Variants in NALF1 observed in about 807,000 individuals in gnomAD.
NALF1 encodes family with sequence similarity 155 member A.
Under a neutral mutation model 48.4 loss-of-function variants are expected in NALF1, and 3 were observed. That is an observed-to-expected ratio of 0.06 (90% CI 0.03 to 0.16). The LOEUF is 0.16. Among genes scored for constraint, NALF1 ranks in the 10% least tolerant of loss-of-function variants. NALF1 has a pLI of 1.00. For missense variants in NALF1, 526 were observed against 571.5 expected, an observed-to-expected ratio of 0.92 and a Z score of 0.81; for synonymous variants, 262 against 245.7, an observed-to-expected ratio of 1.07 and a Z score of -0.62.
chr13:107,700,742 T>TATCCAAATCTGA (rs1210286903), intron 1 of NALF1, among the ~76,000 whole-genome samples: 2 of 151,570 alleles, frequency 1.3e-5, no homozygotes, highest in Non-Finnish European at 2.9e-5. Context: ...TGATAAGGGG[T>TATCCAAATCTGA]TAATATCCAA....
chr13:107,749,971 G>A (rs879560861), intron 1 of NALF1, among the ~76,000 whole-genome samples: 5 of 151,874 alleles, frequency 3.3e-5, no homozygotes, highest in Admixed American at 6.6e-5. Context: ...AGGCGTACGC[G>A]ACAGTGCCCG....
intron 1 of NALF1, among the ~76,000 whole-genome samples, chr13:107,254,723 T>TC (rs1256889496): frequency 2.0e-5 from 3 of 152,182 alleles, no homozygotes; most frequent in East Asian, 1.9e-4. Context: ...TGACAAAACC[T>TC]CTTTTTCATT....
intron 1 of NALF1, among the ~76,000 whole-genome samples, chr13:107,613,817 T>G (rs1879304145): frequency 1.3e-5 from 2 of 152,168 alleles, no homozygotes; most frequent in Admixed American, 6.5e-5. Flanking sequence ...AAATAAAAAT[T>G]TTATCCTATT....
At chr13:107,605,707 G>A (rs1879047782) in intron 1 of NALF1, among the ~76,000 whole-genome samples, 1 of 152,128 alleles carries the variant, frequency 6.6e-6, no homozygotes, top group Admixed American at 6.6e-5. Flanking sequence ...CTTTCCATAT[G>A]GTGCTTTTCC....
At chr13:107,631,067 C>A (rs1879821844) in intron 1 of NALF1, among the ~76,000 whole-genome samples, 1 of 152,090 alleles carries the variant, frequency 6.6e-6, no homozygotes, top group African/African-American at 2.4e-5. Context: ...AGTGCAGTGG[C>A]ACCATCATGG....
intron 1 of NALF1, among the ~76,000 whole-genome samples, chr13:107,353,411 G>A (rs532600565): frequency 7.9e-5 from 12 of 152,268 alleles, no homozygotes; most frequent in East Asian, 1.9e-4. Context: ...CACTGCAGAC[G>A]GAAATTTTCT....
At chr13:107,849,192 C>T (rs939493754) in intron 1 of NALF1, among the ~76,000 whole-genome samples, 4 of 152,106 alleles carry the variant, frequency 2.6e-5, no homozygotes, top group Admixed American at 6.5e-5. Flanking sequence ...GAAATAAATA[C>T]AGAACAATGT....
chr13:107,342,646 T>C (rs916508995), intron 1 of NALF1, among the ~76,000 whole-genome samples: 4 of 152,216 alleles, frequency 2.6e-5, no homozygotes, highest in Non-Finnish European at 5.9e-5. Flanking sequence ...AGTAGAGTTT[T>C]TGTGTACAAT....
chr13:107,292,323 T>C (rs1881637410), intron 1 of NALF1, among the ~76,000 whole-genome samples: 1 of 152,182 alleles, frequency 6.6e-6, no homozygotes. Flanking sequence ...AGTCAGTGAG[T>C]GAGAAGTCAA....
At chr13:107,342,669 G>A (rs762110946) in intron 1 of NALF1, among the ~76,000 whole-genome samples, 2 of 152,126 alleles carry the variant, frequency 1.3e-5, no homozygotes, top group Non-Finnish European at 2.9e-5. Flanking sequence ...AAGTTAAGTT[G>A]ATAATCGCTT....
At chr13:107,224,176 T>C (rs1270256456) in intron 1 of NALF1, among the ~76,000 whole-genome samples, 2 of 151,990 alleles carry the variant, frequency 1.3e-5, no homozygotes, top group Admixed American at 6.5e-5. Flanking sequence ...TTGATCATTA[T>C]ATATTTGGAA....
chr13:107,231,058 CAAAAAA>C (rs3072074), intron 1 of NALF1, among the ~76,000 whole-genome samples: 1 of 83,584 alleles, frequency 1.2e-5, no homozygotes, highest in Non-Finnish European at 2.3e-5. Context: ...AAGACCCGGC[CAAAAAA>C]AAAAAAAAAA....
chr13:107,317,627 T>C (rs1882175577), intron 1 of NALF1, among the ~76,000 whole-genome samples: 2 of 152,056 alleles, frequency 1.3e-5, no homozygotes, highest in African/African-American at 4.8e-5. Flanking sequence ...AGATCTTTAA[T>C]TCTTAACTTA....
intron 1 of NALF1, among the ~76,000 whole-genome samples, chr13:107,574,794 T>G (rs1385610222): frequency 6.6e-6 from 1 of 152,192 alleles, no homozygotes; most frequent in Non-Finnish European, 1.5e-5. Flanking sequence ...ATGAACAGCC[T>G]TTCCTTAGCA....
intron 1 of NALF1, among the ~76,000 whole-genome samples, chr13:107,748,912 T>G (rs1301808550): frequency 1.3e-5 from 2 of 152,126 alleles, no homozygotes; most frequent in Non-Finnish European, 2.9e-5. Context: ...GGGCACCAGA[T>G]AGCCTGAGAA....
At chr13:107,718,206 TTC>T (rs1218964566) in intron 1 of NALF1, among the ~76,000 whole-genome samples, 2 of 152,194 alleles carry the variant, frequency 1.3e-5, no homozygotes, top group African/African-American at 4.8e-5. Flanking sequence ...GACCTTGATG[TTC>T]TTTCTCTCTG....
chr13:107,287,706 CT>C (rs59607599), intron 1 of NALF1, among the ~76,000 whole-genome samples: 155 of 127,876 alleles, frequency 1.2e-3, no homozygotes, highest in African/African-American at 2.3e-3. Flanking sequence ...TCTTTTCTTT[CT>C]TTTTTTTTTT....
intron 1 of NALF1, among the ~76,000 whole-genome samples, chr13:107,514,125 A>C (rs764865179): frequency 6.6e-6 from 1 of 152,190 alleles, no homozygotes; most frequent in Non-Finnish European, 1.5e-5. Flanking sequence ...TGCAAATGCT[A>C]CGTAAGCTGG....
intron 1 of NALF1, among the ~76,000 whole-genome samples, chr13:107,766,134 G>C (rs1407211071): frequency 1.3e-5 from 2 of 152,180 alleles, no homozygotes; most frequent in African/African-American, 4.8e-5. Flanking sequence ...TGTAATTACA[G>C]ATGTACGTGC....
Sources: allele counts gnomAD v4.1 joint callset (sites outside exome capture counted in the v4.1 genomes callset), GRCh38; gene constraint gnomAD v4.1.1; transcripts MANE v1.5; gene names NCBI Gene and HGNC (gene_info 2026-07-23, HGNC 2026-07-21).